GCNT2: variants seen among roughly 807,000 people sequenced by gnomAD.
The protein encoded by GCNT2 is N-acetyllactosaminide beta-1,6-N-acetylglucosaminyl-transferase.
A neutral mutation model predicts 34.2 loss-of-function variants in GCNT2; 34 were observed. That is an observed-to-expected ratio of 1.00 (90% confidence interval 0.76 to 1.32). The LOEUF (loss-of-function observed/expected upper bound fraction) is 1.32. GCNT2 is among the 40% of genes most tolerant of loss of function. The pLI is 0.00. For synonymous variants in GCNT2, 212 were observed against 188.0 expected (o/e 1.13, Z -1.04); for missense variants, 584 against 489.4 (o/e 1.19, Z -1.82).
Position 10,584,941 on chromosome 6 carries a change from T to G in GCNT2, c.926-36410T>G, listed in dbSNP as rs533684375. On this transcript the variant is annotated intron_variant, in intron 3 of 4. Transcript: ENST00000495262. ...TCATATGATATCAACACTGACTCTT[T>G]CATGTAAAATGTCAGTCCTAGGTTC... Among the ~76,000 whole-genome samples the G allele has an allele frequency of 1.3e-5, 2 of 152,066 alleles. 1 individual carries two copies. Among genetic ancestry groups the G allele is most frequent in the East Asian group, 3.9e-4 (2 of 5,186 alleles).
intron 3 of GCNT2, among the ~76,000 whole-genome samples, chr6:10,562,728 G>A (rs937462035): frequency 1.3e-5 from 2 of 151,754 alleles, no homozygotes; most frequent in African/African-American, 4.8e-5. Context: ...AATCACAGGG[G>A]TGAAGAATGC....
intron 3 of GCNT2, chr6:10,586,377 G>T: frequency 6.2e-7 from 1 of 1,614,166 alleles, no homozygotes; most frequent in Non-Finnish European, 8.5e-7. Flanking sequence ...TCACGTGGAT[G>T]AGAAAGCCCC....
chr6:10,588,410 C>A (rs1024979349), intron 3 of GCNT2, among the ~76,000 whole-genome samples: 1 of 152,144 alleles, frequency 6.6e-6, no homozygotes, highest in Non-Finnish European at 1.5e-5. Flanking sequence ...GTTAGCCTCA[C>A]GTACAGATGA....
At chr6:10,567,224 C>A (rs1458943014) in intron 3 of GCNT2, among the ~76,000 whole-genome samples, 2 of 152,122 alleles carry the variant, frequency 1.3e-5, no homozygotes, top group Non-Finnish European at 2.9e-5. Context: ...ACTCAGGAGG[C>A]TAAGGTGGAA....
In GCNT2 at chr6:10,563,115, A is replaced by G. The variant is rs1331874286; in HGVS notation, c.925+33279A>G. ...GGTTGCAGTGAATTGAGATCATGCC[A>G]CTGAACTCCAGCCTGGGCAACAGAG... On this transcript the variant is annotated intron_variant, in intron 3 of 4. Transcript: ENST00000495262. 3.9e-5 allele frequency among the ~76,000 whole-genome samples: 6 copies of G among 152,080 alleles called. No individual in the cohort carries two copies. In the East Asian group the frequency reaches 7.8e-4, roughly 20 times the overall value.
chr6:10,537,904 C>G (rs1482389855), intron 3 of GCNT2, among the ~76,000 whole-genome samples: 1 of 151,924 alleles, frequency 6.6e-6, no homozygotes, highest in Non-Finnish European at 1.5e-5. Context: ...CATGTGATTT[C>G]TTGAATACAG....
intron 1 of GCNT2, among the ~76,000 whole-genome samples, chr6:10,526,593 G>A (rs1415951602): frequency 6.6e-6 from 1 of 152,058 alleles, no homozygotes; most frequent in African/African-American, 2.4e-5. Flanking sequence ...TATTAGAGAT[G>A]GGGCCTGGCT....
chr6:10,568,362 C>A (rs976535369), intron 3 of GCNT2, among the ~76,000 whole-genome samples: 5 of 152,162 alleles, frequency 3.3e-5, no homozygotes, highest in Non-Finnish European at 5.9e-5. Flanking sequence ...ACCCCAGGAT[C>A]CAGCCAGCAC....
chr6:10,542,048 C>T (rs774594569), intron 3 of GCNT2, among the ~76,000 whole-genome samples: 1 of 152,130 alleles, frequency 6.6e-6, no homozygotes, highest in African/African-American at 2.4e-5. Flanking sequence ...ATTCACCTTA[C>T]GTTGCTAGTA....
intron 4 of GCNT2, among the ~76,000 whole-genome samples, chr6:10,623,539 G>C (rs184605699): frequency 6.6e-6 from 1 of 151,512 alleles, no homozygotes; most frequent in South Asian, 2.1e-4. Flanking sequence ...ATCCACCTGC[G>C]TCGGCCTCCC....
At position 10,529,309 on chromosome 6, in the gene GCNT2, C is replaced by T. The variant is rs535220376; in HGVS notation, c.398C>T (p.Thr133Met). The change falls in exon 3 of 5, where the codon ACG becomes ATG. Residue 133 changes from threonine to methionine, a missense_variant. Transcript: ENST00000495262. ...VYCVHLDQKA[T>M]DAFKGAVKQL... ...TGTGTGCACCTGGATCAGAAGGCGA[C>T]GGATGCCTTTAAAGGTGCAGTGAAA... is the stretch of plus-strand genomic sequence containing the variant. 9.3e-6 allele frequency: 15 copies of T among 1,614,112 alleles called. No homozygotes were observed. The highest frequency in any genetic ancestry group is 1.6e-4 in the Middle Eastern group (1 of 6,062).
intron 3 of GCNT2, among the ~76,000 whole-genome samples, chr6:10,589,362 A>AGTGTGTGTTTGTAGTGTG: frequency 9.3e-6 from 1 of 108,038 alleles, no homozygotes; most frequent in African/African-American, 3.2e-5. Flanking sequence ...GTGTGTTTCT[A>AGTGTGTGTTTGTAGTGTG]GTGTGTGTTT....
At chr6:10,617,813 GCTGCAACCTCGGCTCA>G (rs1765857454) in intron 3 of GCNT2, among the ~76,000 whole-genome samples, 1 of 145,192 alleles carries the variant, frequency 6.9e-6, no homozygotes, top group South Asian at 2.2e-4. Context: ...GGAGTGCAGT[GCTGCAACCTCGGCTCA>G]CTGCAACCTC....
intron 3 of GCNT2, among the ~76,000 whole-genome samples, chr6:10,615,788 A>C (rs1765732840): frequency 6.6e-6 from 1 of 152,172 alleles, no homozygotes; most frequent in Non-Finnish European, 1.5e-5. Flanking sequence ...GTGGATTATT[A>C]CCCCCGTTTA....
At chr6:10,582,487 C>CTATAATATATAA (rs1421926442) in intron 3 of GCNT2, among the ~76,000 whole-genome samples, 1 of 103,682 alleles carries the variant, frequency 9.6e-6, no homozygotes, top group Non-Finnish European at 1.7e-5. Context: ...ATAATATATA[C>CTATAATATATAA]TATAATATAT....
intron 3 of GCNT2, among the ~76,000 whole-genome samples, chr6:10,565,120 G>A (rs1478971273): frequency 6.6e-6 from 1 of 152,192 alleles, no homozygotes; most frequent in East Asian, 1.9e-4. Flanking sequence ...AAGGTCGTGG[G>A]TGAGCCTGGT....
chr6:10,558,745 T>G (rs958413037), intron 3 of GCNT2, among the ~76,000 whole-genome samples: 1 of 152,248 alleles, frequency 6.6e-6, no homozygotes, highest in African/African-American at 2.4e-5. Context: ...ACGCCGGCAT[T>G]CTCTGGAAAA....
intron 4 of GCNT2, among the ~76,000 whole-genome samples, chr6:10,625,479 C>CT (rs1766218706): frequency 6.6e-6 from 1 of 151,864 alleles, no homozygotes; most frequent in Non-Finnish European, 1.5e-5. Flanking sequence ...AAAACCCCCT[C>CT]TCCCAGCAGG....
chr6:10,617,640 C>T (rs529827015), intron 3 of GCNT2, among the ~76,000 whole-genome samples: 3 of 152,298 alleles, frequency 2.0e-5, no homozygotes, highest in East Asian at 1.9e-4. Context: ...TTACCCAGCT[C>T]CTATTTAAGA....
Sources: allele counts gnomAD v4.1 joint callset (sites outside exome capture counted in the v4.1 genomes callset), GRCh38; gene constraint gnomAD v4.1.1; transcripts MANE v1.5; gene names NCBI Gene and HGNC (gene_info 2026-07-23, HGNC 2026-07-21).